Variants in HRH2 observed in about 807,000 individuals in gnomAD.
HRH2 encodes histamine receptor H2, also known as histamine H2 receptor.
In HRH2, 4 loss-of-function variants were observed where a neutral mutation model predicts 20.1. The observed-to-expected ratio is 0.20, with a 90% confidence interval of 0.10 to 0.45. The LOEUF is 0.45. Among genes scored for constraint, HRH2 ranks in the 20% least tolerant of loss-of-function variants. The probability of loss-of-function intolerance (pLI) is 0.99; values close to 1 mark genes in which losing one functional copy is unlikely to be tolerated. For missense variants in HRH2, 250 were observed against 461.6 expected (o/e 0.54, Z 4.20); for synonymous variants, 197 against 200.7 (o/e 0.98, Z 0.16).
intron 2 of HRH2, among the ~76,000 whole-genome samples, chr5:175,702,001 T>C (rs934855060): frequency 3.6e-4 from 55 of 152,280 alleles, no homozygotes; most frequent in South Asian, 4.1e-4. Context: ...GCAAAAGTAA[T>C]TGCGGTTTTT....
chr5:175,669,995 C>G (rs1755466267), intron 1 of HRH2, among the ~76,000 whole-genome samples: 1 of 152,220 alleles, frequency 6.6e-6, no homozygotes, highest in Non-Finnish European at 1.5e-5. Flanking sequence ...AACCCAGGAG[C>G]AGCCCCCTCG....
chr5:175,663,406 A>G (rs1034779118), intron 1 of HRH2, among the ~76,000 whole-genome samples: 1 of 152,182 alleles, frequency 6.6e-6, no homozygotes, highest in Non-Finnish European at 1.5e-5. Flanking sequence ...CCTGAGGGCT[A>G]ATGACTTTGA....
intron 2 of HRH2, among the ~76,000 whole-genome samples, chr5:175,691,676 A>C (rs1031314288): frequency 8.5e-5 from 13 of 152,066 alleles, no homozygotes; most frequent in African/African-American, 2.7e-4. Context: ...TAAGGTCAGG[A>C]GTTTGAGACC....
chr5:175,691,693 G>A (rs1374385348), intron 2 of HRH2, among the ~76,000 whole-genome samples: 1 of 151,930 alleles, frequency 6.6e-6, no homozygotes, highest in Non-Finnish European at 1.5e-5. Flanking sequence ...GACCACCCTG[G>A]CCAACATGGT....
intron 1 of HRH2, among the ~76,000 whole-genome samples, chr5:175,674,519 G>A (rs771041041): frequency 4.6e-5 from 7 of 151,614 alleles, no homozygotes; most frequent in Admixed American, 3.9e-4. Flanking sequence ...ACCATCTAGC[G>A]CTGAGCTGGA....
At position 175,687,224 on chromosome 5, in the gene HRH2, G is replaced by A. The variant is rs1005230779; in HGVS notation, c.1076+2915G>A. On this transcript the variant is annotated intron_variant, in intron 2 of 2. Transcript: ENST00000636584. The surrounding 1 kb of genome is among the most constrained non-coding windows in gnomAD (Gnocchi z 5.2). ...AGGGAGCCAAGAACAGCCAGAGGTTGATATTCCCACCAAGACTGCCAGGGC... is the reference window on the plus strand; with the variant it reads ...AGGGAGCCAAGAACAGCCAGAGGTTAATATTCCCACCAAGACTGCCAGGGC... Among the ~76,000 whole-genome samples the A allele has an allele frequency of 2.0e-5, 3 of 152,184 alleles. No homozygotes were observed. The highest frequency in any genetic ancestry group is 3.2e-3 in the Middle Eastern group (1 of 316).
chr5:175,663,961 A>G (rs939918780), intron 1 of HRH2, among the ~76,000 whole-genome samples: 2 of 152,120 alleles, frequency 1.3e-5, no homozygotes, highest in Non-Finnish European at 2.9e-5. Flanking sequence ...CTCTGCCCCT[A>G]TCTGATGCCG....
chr5:175,686,626 T>C lies in HRH2; in HGVS notation c.1076+2317T>C, dbSNP rs1756181835. 6.6e-6 allele frequency among the ~76,000 whole-genome samples: 1 copy of C among 152,220 alleles called. No individual in the cohort carries two copies. The highest frequency in any genetic ancestry group is 1.5e-5 in the Non-Finnish European group (1 of 68,036). ...CCAAGGATTGAAGCCCAGATGGGGC[T>C]GGCGCATGGGCCCGGGAGCCCATCC... On this transcript the variant is annotated intron_variant, in intron 2 of 2. Coordinates refer to ENST00000636584, the MANE Select transcript of HRH2 (RefSeq NM_001367711.1). This position sits in a 1 kb window ranked among gnomAD's most constrained non-coding sequence, Gnocchi z 4.7.
intron 1 of HRH2, among the ~76,000 whole-genome samples, chr5:175,663,273 G>C (rs1170526336): frequency 6.6e-6 from 1 of 152,182 alleles, no homozygotes; most frequent in African/African-American, 2.4e-5. Context: ...AGGTTGCACT[G>C]TCTTACATTC....
At chr5:175,661,146 C>T (rs1762726976) in intron 1 of HRH2, among the ~76,000 whole-genome samples, 1 of 152,016 alleles carries the variant, frequency 6.6e-6, no homozygotes, top group East Asian at 1.9e-4. Context: ...CAATGCCCTC[C>T]TTTGCTTAGC....
Position 175,667,531 on chromosome 5 carries a change from C to T in HRH2, c.-526+9376C>T, listed in dbSNP as rs1249026155. Among the ~76,000 whole-genome samples, 4 of 146,234 alleles carry T rather than the reference C, an allele frequency of 2.7e-5. No homozygotes were observed. In the East Asian group the frequency reaches 8.1e-4, roughly 30 times the overall value. ...AACCAGTACGACCACCCAAAGAAAA[C>T]CACTAATACCATCCAGTCTGTCCTA... On this transcript the variant is annotated intron_variant, in intron 1 of 2. Coordinates refer to ENST00000636584, the MANE Select transcript of HRH2 (RefSeq NM_001367711.1).
intron 1 of HRH2, among the ~76,000 whole-genome samples, chr5:175,669,520 C>T (rs572656719): frequency 6.6e-6 from 1 of 152,226 alleles, no homozygotes; most frequent in Non-Finnish European, 1.5e-5. Flanking sequence ...CACACCAGCA[C>T]ACCCGGCTAG....
At position 175,683,672 on chromosome 5, in the gene HRH2, A is replaced by G. The variant is rs1756068447; in HGVS notation, c.439A>G (p.Ile147Val). The G allele has an allele frequency of 1.2e-6, 2 of 1,614,002 alleles. No individual in the cohort carries two copies. Among genetic ancestry groups the G allele is most frequent in the African/African-American group, 1.3e-5 (1 of 74,916 alleles). ...ISLVLIWVIS[I>V]TLSFLSIHLG... ...TCTGGTCTTAATTTGGGTCATCTCC[A>G]TTACCCTGTCCTTTCTGTCTATCCA... The change falls in exon 2 of 3, where the codon ATT becomes GTT. Residue 147 changes from isoleucine to valine, a missense_variant. Physicochemically the swap from Ile to Val is conservative, Grantham distance 29. This residue lies in a region of HRH2 where 86 missense variants were observed against 176.4 expected (regional missense o/e 0.49). Coordinates refer to ENST00000636584, the MANE Select transcript of HRH2 (RefSeq NM_001367711.1).
At position 175,679,887 on chromosome 5, in the gene HRH2, G is replaced by A. The variant is rs557351162; in HGVS notation, c.-525-2822G>A. Among the ~76,000 whole-genome samples, 5 of 152,316 alleles carry A rather than the reference G, an allele frequency of 3.3e-5. No individual in the cohort carries two copies. The East Asian group carries it at 9.6e-4, about 29-fold the overall frequency. On this transcript the variant is annotated intron_variant, in intron 1 of 2. Transcript: ENST00000636584. ...GATCAAAGAACGGGTATTAAGTACAGGCCAAAGGAGTTTGAGCTGAATTTG... is the reference window on the plus strand; with the variant it reads ...GATCAAAGAACGGGTATTAAGTACAAGCCAAAGGAGTTTGAGCTGAATTTG...
At chr5:175,707,387 G>A (rs534937745) in intron 2 of HRH2, among the ~76,000 whole-genome samples, 7 of 152,198 alleles carry the variant, frequency 4.6e-5, no homozygotes, top group South Asian at 2.1e-4. Context: ...CTATGATCAC[G>A]CCACTGCCCT....
intron 1 of HRH2, among the ~76,000 whole-genome samples, chr5:175,667,549 C>G (rs1166879649): frequency 6.6e-6 from 1 of 150,758 alleles, no homozygotes; most frequent in Admixed American, 6.7e-5. Flanking sequence ...ACCATCCAGT[C>G]TGTCCTACCA....
intron 1 of HRH2, among the ~76,000 whole-genome samples, chr5:175,670,260 C>T (rs1755478157): frequency 6.6e-6 from 1 of 151,644 alleles, no homozygotes; most frequent in South Asian, 2.1e-4. Context: ...TAGTGAGACC[C>T]TGCCTCAAAG....
In HRH2 at chr5:175,707,978, C is replaced by T. The variant is rs1315275655; in HGVS notation, c.*7C>T. 3 of 399,004 alleles carry T rather than the reference C, an allele frequency of 7.5e-6. No homozygotes were observed. The highest frequency in any genetic ancestry group is 4.1e-5 in the African/African-American group (2 of 48,616). 24.7% of individuals were successfully genotyped at this position (399,004 alleles called of 1,614,324 possible). A position where few individuals can be genotyped will look rare whatever the true frequency, so the allele number is the denominator to read the frequency against. ...GCCCTCTGAGGCTGTCTAGACCTAGCCCCAGGACACTGAAGATACCGCTCC... is the reference window on the plus strand; with the variant it reads ...GCCCTCTGAGGCTGTCTAGACCTAGTCCCAGGACACTGAAGATACCGCTCC... On this transcript the variant is annotated 3_prime_UTR_variant, in exon 3 of 3. Coordinates refer to ENST00000636584, the MANE Select transcript of HRH2 (RefSeq NM_001367711.1).
At chr5:175,664,838 A>G (rs529425645) in intron 1 of HRH2, among the ~76,000 whole-genome samples, 2 of 152,112 alleles carry the variant, frequency 1.3e-5, no homozygotes, top group African/African-American at 4.8e-5. Flanking sequence ...GGGGCTCGCT[A>G]TGTTGCCCAG....
Sources: gnomAD v4.1 joint callset for allele counts (sites outside exome capture counted in the v4.1 genomes callset) on GRCh38, gnomAD v4.1.1 for gene constraint, gnomAD v4.1.1 regional missense constraint, Gnocchi (gnomAD v3.1) non-coding constraint, MANE v1.5 for transcripts, NCBI Gene and HGNC (gene_info 2026-07-23, HGNC 2026-07-21) for gene names.